Variants in EDIL3 observed in about 807,000 individuals in gnomAD.
EDIL3 encodes the protein EGF-like repeat and discoidin I-like domain-containing protein 3.
In EDIL3, 37 loss-of-function variants were observed where a neutral mutation model predicts 67.4. That is an observed-to-expected ratio of 0.55 (90% confidence interval 0.42 to 0.72). EDIL3 has a LOEUF of 0.72. EDIL3 is among the 30% of genes least tolerant of loss of function. EDIL3 has a pLI of 0.00. For missense variants in EDIL3, 527 were observed against 586.3 expected, an observed-to-expected ratio of 0.90 and a Z score of 1.04; for synonymous variants, 195 against 196.3, an observed-to-expected ratio of 0.99 and a Z score of 0.05.
At chr5:84,314,661 A>G (rs1380183384) in intron 1 of EDIL3, among the ~76,000 whole-genome samples, 2 of 152,184 alleles carry the variant, frequency 1.3e-5, no homozygotes, top group African/African-American at 4.8e-5. Context: ...AATCCTTTCC[A>G]TTATAGCTCC....
chr5:83,996,294 A>G (rs1273996354), intron 9 of EDIL3, among the ~76,000 whole-genome samples: 1 of 152,208 alleles, frequency 6.6e-6, no homozygotes, highest in Non-Finnish European at 1.5e-5. Flanking sequence ...CCACTTTGGT[A>G]TTCAAACAGA....
At chr5:84,208,514 C>T (rs1234610894) in intron 3 of EDIL3, among the ~76,000 whole-genome samples, 1 of 150,616 alleles carries the variant, frequency 6.6e-6, no homozygotes, top group African/African-American at 2.4e-5. Flanking sequence ...CCCGTCTCTA[C>T]CAAAAATACA....
At chr5:84,346,426 A>G (rs1162306696) in intron 1 of EDIL3, among the ~76,000 whole-genome samples, 1 of 152,162 alleles carries the variant, frequency 6.6e-6, no homozygotes, top group African/African-American at 2.4e-5. Flanking sequence ...AAAATGGACT[A>G]TGAGAGATGT....
chr5:84,104,587 T>G (rs1306423208), intron 6 of EDIL3, among the ~76,000 whole-genome samples: 1 of 152,012 alleles, frequency 6.6e-6, no homozygotes, highest in Non-Finnish European at 1.5e-5. Context: ...ACTTTAGCTG[T>G]TTTTCTCTGA....
rs183107052 is a variant in EDIL3, at chr5:83,988,621, A to G, written c.1138-25261T>C. On this transcript the variant is annotated intron_variant, in intron 9 of 10. Coordinates refer to ENST00000296591, the MANE Select transcript of EDIL3 (RefSeq NM_005711.5). ...GTGCCCTCTCTGAGCTGTTTCTTCT[A>G]CTGTAAAGTAGCCTTCATAACAACT... Among the ~76,000 whole-genome samples, 288 of 152,220 alleles carry G rather than the reference A, an allele frequency of 1.9e-3. 2 individuals carry two copies. The highest frequency in any genetic ancestry group is 6.5e-3 in the African/African-American group (271 of 41,544).
chr5:84,231,066 C>T (rs1284453290), intron 2 of EDIL3, among the ~76,000 whole-genome samples: 1 of 152,070 alleles, frequency 6.6e-6, no homozygotes, highest in Non-Finnish European at 1.5e-5. Flanking sequence ...AAGTCAGAAT[C>T]TTTACATGGT....
chr5:84,052,410 A>C (rs1041587678), intron 9 of EDIL3, among the ~76,000 whole-genome samples: 5 of 151,824 alleles, frequency 3.3e-5, no homozygotes, highest in African/African-American at 1.2e-4. Flanking sequence ...ACTAATGAGC[A>C]AAATAGCCAG....
chr5:84,228,033 C>A (rs1422573661), intron 3 of EDIL3, among the ~76,000 whole-genome samples: 1 of 151,974 alleles, frequency 6.6e-6, no homozygotes, highest in Non-Finnish European at 1.5e-5. Context: ...CCCCCTGTAA[C>A]TAAAGTAAAA....
chr5:84,015,448 T>C (rs1320257480), intron 9 of EDIL3, among the ~76,000 whole-genome samples: 2 of 152,194 alleles, frequency 1.3e-5, no homozygotes, highest in Non-Finnish European at 2.9e-5. Flanking sequence ...CATTGCTTTA[T>C]CATTTTTCAA....
intron 1 of EDIL3, among the ~76,000 whole-genome samples, chr5:84,288,082 C>G (rs534347830): frequency 6.6e-6 from 1 of 152,194 alleles, no homozygotes; most frequent in East Asian, 1.9e-4. Context: ...TGTCCACACT[C>G]CTGATAATTT....
chr5:84,299,443 ACTC>A (rs1307401185), intron 1 of EDIL3, among the ~76,000 whole-genome samples: 1 of 151,916 alleles, frequency 6.6e-6, no homozygotes, highest in African/African-American at 2.4e-5. Flanking sequence ...TGAGATCCCC[ACTC>A]CTCATAGATC....
Position 84,104,039 on chromosome 5 carries a change from A to G in EDIL3, c.651+2610T>C, listed in dbSNP as rs187823967. On this transcript the variant is annotated intron_variant, in intron 6 of 10. Transcript: ENST00000296591. ...ACACCATGGAATACTATGCAGCTGC[A>G]AAAGAGTCAGATCATGTCTTTTGCA... Among the ~76,000 whole-genome samples the G allele has an allele frequency of 6.6e-5, 10 of 152,260 alleles. No homozygotes were observed. In the East Asian group the frequency reaches 1.9e-3, roughly 29 times the overall value.
At chr5:84,172,979 T>C (rs114068220) in intron 4 of EDIL3, among the ~76,000 whole-genome samples, 1,557 of 152,288 alleles carry the variant, frequency 0.01, 26 homozygotes, top group African/African-American at 0.036. Context: ...GGTCTGCTCT[T>C]CAGCCTCTCA....
intron 1 of EDIL3, among the ~76,000 whole-genome samples, chr5:84,305,712 T>C (rs1746252851): frequency 6.6e-6 from 1 of 152,090 alleles, no homozygotes; most frequent in Admixed American, 6.6e-5. Flanking sequence ...ACCCCGTCTC[T>C]ATTAAAAATA....
intron 1 of EDIL3, among the ~76,000 whole-genome samples, chr5:84,304,563 T>C (rs1746226748): frequency 6.6e-6 from 1 of 152,226 alleles, no homozygotes; most frequent in African/African-American, 2.4e-5. Context: ...GTTCTATGCA[T>C]CCTGAATGAG....
intron 1 of EDIL3, among the ~76,000 whole-genome samples, chr5:84,363,404 C>T (rs1020703607): frequency 3.3e-5 from 5 of 149,500 alleles, no homozygotes; most frequent in South Asian, 2.1e-4. Context: ...GAGCCGAGAT[C>T]GCGCCACTGC....
chr5:84,302,693 C>T, intron 1 of EDIL3, among the ~76,000 whole-genome samples: 1 of 152,148 alleles, frequency 6.6e-6, no homozygotes, highest in East Asian at 1.9e-4. Context: ...AATGTTATTT[C>T]CCAAAGTACT....
intron 5 of EDIL3, among the ~76,000 whole-genome samples, chr5:84,129,110 C>T (rs945577942): frequency 2.6e-5 from 4 of 152,040 alleles, no homozygotes; most frequent in African/African-American, 9.7e-5. Flanking sequence ...TAATTCTGTA[C>T]AAAACTGTTG....
intron 9 of EDIL3, among the ~76,000 whole-genome samples, chr5:84,045,364 A>G (rs1488856043): frequency 2.0e-5 from 3 of 152,174 alleles, no homozygotes; most frequent in African/African-American, 7.2e-5. Context: ...AGTAAGACAC[A>G]TATCAGAAAC....
Sources: allele counts gnomAD v4.1 joint callset (sites outside exome capture counted in the v4.1 genomes callset), GRCh38; gene constraint gnomAD v4.1.1; transcripts MANE v1.5; gene names NCBI Gene and HGNC (gene_info 2026-07-23, HGNC 2026-07-21).